The following PHACTR1 variants were observed in gnomAD, a reference collection of about 807,000 sequenced individuals.
The protein encoded by PHACTR1 is phosphatase and actin regulator 1.
A neutral mutation model predicts 69.2 loss-of-function variants in PHACTR1; 16 were observed. That is an observed-to-expected ratio of 0.23 (90% confidence interval 0.16 to 0.35). The LOEUF (loss-of-function observed/expected upper bound fraction) is 0.35. PHACTR1 is among the 10% of genes least tolerant of loss of function. The probability of loss-of-function intolerance (pLI) is 1.00; values close to 1 mark genes in which losing one functional copy is unlikely to be tolerated. For synonymous variants in PHACTR1, 312 were observed against 284.5 expected (o/e 1.10, Z -0.97); for missense variants, 510 against 734.7 (o/e 0.69, Z 3.54).
chr6:12,930,409 A>C (rs78512072), intron 4 of PHACTR1, among the ~76,000 whole-genome samples: 1 of 152,190 alleles, frequency 6.6e-6, no homozygotes, highest in Non-Finnish European at 1.5e-5. Flanking sequence ...AGAAGTTCCT[A>C]AGAGCTGAGG....
intron 11 of PHACTR1, 112 bp downstream of exon 11, chr6:13,273,027 C>A (rs1778096483): frequency 2.1e-6 from 3 of 1,459,584 alleles, no homozygotes; most frequent in African/African-American, 2.8e-5. Context: ...CATTGAAAAC[C>A]TTTCTAACGG....
chr6:13,193,196 C>G (rs185526315), intron 7 of PHACTR1, among the ~76,000 whole-genome samples: 1 of 149,950 alleles, frequency 6.7e-6, no homozygotes, highest in African/African-American at 2.5e-5. Flanking sequence ...GCAAAAAATA[C>G]GAGTGTGACC....
At chr6:13,122,030 C>T (rs923454612) in intron 5 of PHACTR1, among the ~76,000 whole-genome samples, 4 of 152,064 alleles carry the variant, frequency 2.6e-5, no homozygotes, top group Non-Finnish European at 4.4e-5. Context: ...TTATGACATG[C>T]CACACATTTA....
intron 4 of PHACTR1, among the ~76,000 whole-genome samples, chr6:12,954,609 G>A (rs1279208108): frequency 1.3e-5 from 2 of 152,104 alleles, no homozygotes; most frequent in Admixed American, 6.5e-5. Context: ...GGGAGCCTGA[G>A]CTTGGGCAAC....
intron 4 of PHACTR1, among the ~76,000 whole-genome samples, chr6:12,884,545 C>T (rs1166524915): frequency 2.0e-5 from 3 of 152,030 alleles, no homozygotes; most frequent in South Asian, 2.1e-4. Context: ...GGACCGCAGG[C>T]GCCTGCCACC....
At chr6:13,068,857 T>G (rs1335369462) in intron 5 of PHACTR1, among the ~76,000 whole-genome samples, 1 of 152,048 alleles carries the variant, frequency 6.6e-6, no homozygotes, top group Non-Finnish European at 1.5e-5. Flanking sequence ...CAGAAATTGG[T>G]GGCAAGTCAG....
At chr6:13,053,555 C>G in intron 5 of PHACTR1, 26 bp downstream of exon 5, 1 of 1,605,442 alleles carries the variant, frequency 6.2e-7, no homozygotes, top group Non-Finnish European at 8.5e-7. Context: ...CTTTCATTTC[C>G]CATTTGGTGT....
chr6:13,012,903 G>C (rs975264912), intron 4 of PHACTR1, among the ~76,000 whole-genome samples: 1 of 152,184 alleles, frequency 6.6e-6, no homozygotes, highest in Non-Finnish European at 1.5e-5. Context: ...GTTTGTTAAA[G>C]GCACTGTTCT....
At chr6:13,084,089 G>A (rs1477634444) in intron 5 of PHACTR1, among the ~76,000 whole-genome samples, 1 of 151,958 alleles carries the variant, frequency 6.6e-6, no homozygotes, top group South Asian at 2.1e-4. Context: ...GTTTATTGCG[G>A]CACTATTCAC....
intron 3 of PHACTR1, among the ~76,000 whole-genome samples, chr6:12,721,038 C>T (rs927583117): frequency 1.1e-4 from 17 of 152,134 alleles, no homozygotes; most frequent in Admixed American, 2.0e-4. Context: ...ATGCTACACA[C>T]GAGCAAATCA....
chr6:13,079,908 C>G (rs1251677729), intron 5 of PHACTR1, among the ~76,000 whole-genome samples: 1 of 152,110 alleles, frequency 6.6e-6, no homozygotes, highest in Non-Finnish European at 1.5e-5. Flanking sequence ...GACCACCTCC[C>G]AAGATTTTAT....
chr6:12,723,083 C>T (rs1762325498), intron 3 of PHACTR1, among the ~76,000 whole-genome samples: 1 of 152,144 alleles, frequency 6.6e-6, no homozygotes. Flanking sequence ...ACAAAATTAA[C>T]ATCATGAGAT....
intron 5 of PHACTR1, among the ~76,000 whole-genome samples, chr6:13,095,488 G>A (rs1814040243): frequency 6.6e-6 from 1 of 152,026 alleles, no homozygotes; most frequent in Non-Finnish European, 1.5e-5. Flanking sequence ...GTATTCTGTT[G>A]ATTCATTCTA....
intron 6 of PHACTR1, among the ~76,000 whole-genome samples, chr6:13,164,086 A>G (rs1458994058): frequency 6.6e-6 from 1 of 150,694 alleles, no homozygotes; most frequent in Non-Finnish European, 1.5e-5. Flanking sequence ...CCTCCTCAGA[A>G]TGGCCTTCGT....
intron 4 of PHACTR1, among the ~76,000 whole-genome samples, chr6:12,850,177 A>T (rs1779685788): frequency 6.6e-6 from 1 of 152,098 alleles, no homozygotes; most frequent in Admixed American, 6.5e-5. Flanking sequence ...CCCTATTCTT[A>T]TCCCAAAGCC....
chr6:12,904,894 G>A (rs1785563606), intron 4 of PHACTR1, among the ~76,000 whole-genome samples: 1 of 152,152 alleles, frequency 6.6e-6, no homozygotes, highest in South Asian at 2.1e-4. Flanking sequence ...TTGTTGAGAT[G>A]AGGTATGCAA....
intron 4 of PHACTR1, among the ~76,000 whole-genome samples, chr6:12,949,535 G>A (rs1420803245): frequency 6.6e-6 from 1 of 152,150 alleles, no homozygotes; most frequent in Non-Finnish European, 1.5e-5. Flanking sequence ...GTCTCTGGAG[G>A]CAACTGTGGT....
chr6:13,203,382 A>G (rs1337367258), intron 7 of PHACTR1, among the ~76,000 whole-genome samples: 1 of 152,232 alleles, frequency 6.6e-6, no homozygotes, highest in Non-Finnish European at 1.5e-5. Flanking sequence ...TCATCTGTAA[A>G]CATGAGATAA....
chr6:12,731,659 C>G (rs915622032), intron 3 of PHACTR1, among the ~76,000 whole-genome samples: 9 of 151,892 alleles, frequency 5.9e-5, no homozygotes, highest in Non-Finnish European at 1.3e-4. Flanking sequence ...TGATATTGAC[C>G]CCATTTTAGA....
Sources: allele counts gnomAD v4.1 joint callset (sites outside exome capture counted in the v4.1 genomes callset), GRCh38; gene constraint gnomAD v4.1.1; transcripts MANE v1.5; gene names NCBI Gene and HGNC (gene_info 2026-07-23, HGNC 2026-07-21).